Variants in GALNTL6 observed in about 807,000 individuals in gnomAD.
GALNTL6 encodes polypeptide N-acetylgalactosaminyltransferase like 6.
GALNTL6 carries 46 observed loss-of-function variants against 73.7 expected under a neutral mutation model. The ratio of observed to expected loss-of-function variants is 0.62; its 90% CI spans 0.49 to 0.80. GALNTL6 has a LOEUF of 0.80. GALNTL6 is among the 30% of genes least tolerant of loss of function. The pLI is 0.00. For missense variants in GALNTL6, 604 were observed against 755.0 expected (o/e 0.80, Z 2.34); for synonymous variants, 259 against 263.7 (o/e 0.98, Z 0.17).
At chr4:172,830,487 A>C (rs933613590) in intron 7 of GALNTL6, among the ~76,000 whole-genome samples, 3 of 152,226 alleles carry the variant, frequency 2.0e-5, no homozygotes, top group Non-Finnish European at 4.4e-5. Context: ...TTAAAAGAAA[A>C]CGGACAAAAG....
intron 2 of GALNTL6, among the ~76,000 whole-genome samples, chr4:171,953,555 T>C (rs1187577569): frequency 6.6e-6 from 1 of 152,176 alleles, no homozygotes; most frequent in Non-Finnish European, 1.5e-5. Flanking sequence ...ATAGCATATA[T>C]TAAAACTCCT....
intron 3 of GALNTL6, among the ~76,000 whole-genome samples, chr4:172,231,115 C>T (rs1454573774): frequency 1.3e-5 from 2 of 152,138 alleles, no homozygotes; most frequent in Non-Finnish European, 2.9e-5. Context: ...GGCAGTGACC[C>T]CATGAATGGT....
intron 2 of GALNTL6, among the ~76,000 whole-genome samples, chr4:171,855,023 T>C (rs960324712): frequency 2.0e-5 from 3 of 151,478 alleles, no homozygotes; most frequent in Non-Finnish European, 4.4e-5. Flanking sequence ...TTGAGAGCAC[T>C]CCCTTAATAA....
Position 172,234,510 on chromosome 4 carries a change from C to T in GALNTL6, c.247+4746C>T, listed in dbSNP as rs539058169. 1.3e-4 allele frequency among the ~76,000 whole-genome samples: 20 copies of T among 152,212 alleles called. 1 individual carries two copies. Among genetic ancestry groups the T allele is most frequent in the Admixed American group, 3.3e-4 (5 of 15,292 alleles). Reference sequence around the variant, plus strand: ...AATCTGTTTTGCTGAGAGTTTGTGACTTTCTTTTAACCTGAAGGAGTGCTG... The same window carrying T: ...AATCTGTTTTGCTGAGAGTTTGTGATTTTCTTTTAACCTGAAGGAGTGCTG... On this transcript the variant is annotated intron_variant, in intron 3 of 12. Transcript: ENST00000506823.
In GALNTL6 at chr4:172,511,573, T is replaced by G. The variant is rs1401275872; in HGVS notation, c.553+162884T>G. On this transcript the variant is annotated intron_variant, in intron 5 of 12. Coordinates refer to ENST00000506823, the MANE Select transcript of GALNTL6 (RefSeq NM_001034845.3). ...TTTCAGACTTTTTGATGTAGGAATT[T>G]CATCCTGTGAACTTCCTCATAGCAT... 3.6e-5 allele frequency among the ~76,000 whole-genome samples: 2 copies of G among 55,118 alleles called. 1 individual carries two copies. Among genetic ancestry groups the G allele is most frequent in the Non-Finnish European group, 8.4e-5 (2 of 23,832 alleles). 36.2% of individuals were successfully genotyped at this position (55,118 alleles called of 152,430 possible). A position where few individuals can be genotyped will look rare whatever the true frequency, so the allele number is the denominator to read the frequency against.
intron 4 of GALNTL6, among the ~76,000 whole-genome samples, chr4:172,326,877 T>C (rs1740961355): frequency 6.6e-6 from 1 of 151,996 alleles, no homozygotes; most frequent in African/African-American, 2.4e-5. Flanking sequence ...AGATAAAATA[T>C]GAAATTATAT....
intron 2 of GALNTL6, among the ~76,000 whole-genome samples, chr4:172,054,040 A>G (rs964816309): frequency 3.9e-5 from 6 of 152,092 alleles, no homozygotes; most frequent in Admixed American, 3.3e-4. Context: ...TTATTGGTTC[A>G]TGTTGAGAAA....
chr4:172,398,763 C>G (rs530596006), intron 5 of GALNTL6, among the ~76,000 whole-genome samples: 1 of 152,196 alleles, frequency 6.6e-6, no homozygotes, highest in South Asian at 2.1e-4. Flanking sequence ...TATTCAGTGA[C>G]ATAGAAATCG....
Position 172,053,828 on chromosome 4 carries a change from C to A in GALNTL6, c.139-175828C>A, listed in dbSNP as rs890755923. Among the ~76,000 whole-genome samples the A allele has an allele frequency of 2.0e-5, 3 of 151,882 alleles. No individual in the cohort carries two copies. In the East Asian group the frequency reaches 5.8e-4, roughly 29 times the overall value. ...TTTTTTACATGAATGGGTCCCCTAG[C>A]GAAGGAGGCAAGACCTTTAAATTTT... On this transcript the variant is annotated intron_variant, in intron 2 of 12. Transcript: ENST00000506823.
intron 5 of GALNTL6, among the ~76,000 whole-genome samples, chr4:172,678,710 A>C (rs1039043627): frequency 1.2e-4 from 19 of 152,256 alleles, no homozygotes; most frequent in African/African-American, 4.6e-4. Flanking sequence ...TTCTTTGTGG[A>C]CATAGAAAAA....
At chr4:172,366,129 A>G (rs1376523731) in intron 5 of GALNTL6, among the ~76,000 whole-genome samples, 1 of 152,122 alleles carries the variant, frequency 6.6e-6, no homozygotes, top group Non-Finnish European at 1.5e-5. Context: ...ATTACTAAAG[A>G]TAATATCAAA....
At chr4:172,803,160 G>C (rs1355844414) in intron 5 of GALNTL6, among the ~76,000 whole-genome samples, 1 of 152,174 alleles carries the variant, frequency 6.6e-6, no homozygotes, top group Admixed American at 6.5e-5. Flanking sequence ...TCCTTGGACT[G>C]TTCTGAGAAC....
chr4:171,982,735 A>G lies in GALNTL6; in HGVS notation c.138+168017A>G, dbSNP rs939061456. Among the ~76,000 whole-genome samples the G allele has an allele frequency of 3.9e-5, 6 of 152,372 alleles. No homozygotes were observed. The South Asian group carries it at 1.0e-3, about 26-fold the overall frequency. ...TGACTTACAAAGTTTTGAGAAAATC[A>G]TAAAACTAACATACATCTTTCTCTG... is the stretch of plus-strand genomic sequence containing the variant. On this transcript the variant is annotated intron_variant, in intron 2 of 12. Transcript: ENST00000506823.
chr4:172,709,067 A>G (rs537125979), intron 5 of GALNTL6, among the ~76,000 whole-genome samples: 22 of 152,080 alleles, frequency 1.4e-4, no homozygotes, highest in Non-Finnish European at 2.9e-4. Context: ...CCTTCATTTC[A>G]TGTTTTACCC....
intron 2 of GALNTL6, among the ~76,000 whole-genome samples, chr4:171,948,811 G>C (rs1490420657): frequency 2.0e-5 from 3 of 151,988 alleles, no homozygotes; most frequent in Non-Finnish European, 4.4e-5. Flanking sequence ...CACATTTCCT[G>C]AAAAATAGGC....
intron 5 of GALNTL6, among the ~76,000 whole-genome samples, chr4:172,663,581 G>T (rs941681927): frequency 1.3e-5 from 2 of 152,126 alleles, no homozygotes; most frequent in Non-Finnish European, 2.9e-5. Flanking sequence ...TAATGTGGTG[G>T]TTTCTGTATC....
intron 10 of GALNTL6, among the ~76,000 whole-genome samples, chr4:172,969,923 G>A (rs1002292530): frequency 2.6e-5 from 4 of 152,166 alleles, no homozygotes; most frequent in Admixed American, 2.6e-4. Flanking sequence ...GTGTCAGCTG[G>A]TCTGAGAAAT....
chr4:172,822,190 C>T (rs185882130), intron 7 of GALNTL6, among the ~76,000 whole-genome samples: 140 of 152,258 alleles, frequency 9.2e-4, no homozygotes, highest in Middle Eastern at 3.4e-3. Context: ...TTCTACTGTA[C>T]CTCCCTGCTT....
At chr4:172,076,120 A>G (rs769205788) in intron 2 of GALNTL6, among the ~76,000 whole-genome samples, 27 of 152,188 alleles carry the variant, frequency 1.8e-4, no homozygotes, top group Non-Finnish European at 3.1e-4. Flanking sequence ...TAGCACCACC[A>G]TTTTGGGAAT....
Sources: gnomAD v4.1 joint callset for allele counts (sites outside exome capture counted in the v4.1 genomes callset) on GRCh38, gnomAD v4.1.1 for gene constraint, MANE v1.5 for transcripts, NCBI Gene and HGNC (gene_info 2026-07-23, HGNC 2026-07-21) for gene names.